Variants in HORMAD1 observed in about 807,000 individuals in gnomAD.
HORMAD1 encodes HORMA domain-containing protein 1.
A neutral mutation model predicts 58.2 loss-of-function variants in HORMAD1; 33 were observed. That is an observed-to-expected ratio of 0.57 (90% CI 0.43 to 0.76). The LOEUF is 0.76. HORMAD1 is among the 30% of genes least tolerant of loss of function. The probability of loss-of-function intolerance (pLI) is 0.00; values close to 1 mark genes in which losing one functional copy is unlikely to be tolerated. For synonymous variants in HORMAD1, 137 were observed against 144.6 expected (o/e 0.95, Z 0.38); for missense variants, 363 against 462.0 (o/e 0.79, Z 1.96).
chr1:150,712,803 T>C (rs989719640), intron 5 of HORMAD1, among the ~76,000 whole-genome samples: 4 of 152,294 alleles, frequency 2.6e-5, no homozygotes, highest in Non-Finnish European at 4.4e-5. Flanking sequence ...TGTCTTGGCC[T>C]CCCAAGGTGC....
chr1:150,700,168 G>T lies in HORMAD1; in HGVS notation c.1048C>A (p.Pro350Thr). Residue 350 changes from proline (P) to threonine (T), a missense_variant, in exon 14 of 15, where the codon CCA becomes ACA. Coordinates refer to ENST00000361824, the MANE Select transcript of HORMAD1 (RefSeq NM_032132.5). The part of the protein sequence containing the change: ...FQNKMANGNQ[P>T]VKSSKENRKR... ...CGATTTTCTTTGGAAGATTTTACTGGTTGATTTCCATTTGCCTCCACAAAG... is the reference window on the plus strand; with the variant it reads ...CGATTTTCTTTGGAAGATTTTACTGTTTGATTTCCATTTGCCTCCACAAAG... 1 of 1,577,556 alleles carries T rather than the reference G, an allele frequency of 6.3e-7. No individual in the cohort carries two copies. The highest frequency in any genetic ancestry group is 8.7e-7 in the Non-Finnish European group (1 of 1,147,644).
chr1:150,706,392 GT>G (rs1651691727), intron 10 of HORMAD1, among the ~76,000 whole-genome samples, 160 bp downstream of exon 10: 1 of 152,110 alleles, frequency 6.6e-6, no homozygotes, highest in South Asian at 2.1e-4. Context: ...TAAGTAAAAA[GT>G]TTTAAAACCA....
chr1:150,711,571 C>T lies in HORMAD1; in HGVS notation c.301G>A (p.Val101Ile), dbSNP rs139430177. ...TGAGGATCTTCTGGGTTTGTGTATA[C>T]CTATTTAAAAACAATTTACAATTGA... ...KKYLRMVVLAVYTNPEDPQTI... is the reference protein window; with the variant it reads ...KKYLRMVVLAIYTNPEDPQTI... Residue 101 changes from valine (V) to isoleucine (I), a missense_variant and splice_region_variant, in exon 7 of 15, where the codon GTA (valine) becomes ATA (isoleucine). Around this residue, in one of 3 missense-constraint regions of HORMAD1, gnomAD observed 128 missense variants for 171.8 expected, o/e 0.74. Coordinates refer to ENST00000361824, the MANE Select transcript of HORMAD1 (RefSeq NM_032132.5). 2 of 1,599,962 alleles carry T rather than the reference C, an allele frequency of 1.3e-6. No individual in the cohort carries two copies. Among genetic ancestry groups the T allele is most frequent in the Non-Finnish European group, 1.7e-6 (2 of 1,167,952 alleles).
rs587650748 is a variant in HORMAD1, at chr1:150,698,969, T to C, written c.1105-235A>G. 8.5e-5 allele frequency: 28 copies of C among 330,080 alleles called. 3 individuals carry two copies. The South Asian group carries it at 2.4e-3, about 28-fold the overall frequency. 20.4% of individuals were successfully genotyped at this position (330,080 alleles called of 1,614,324 possible). ...TGTATAATCTTCAGTAGGGCTGCTC[T>C]AGAAGTGAGAAGATAGATTTAACAT... On this transcript the variant is annotated intron_variant, in intron 14 of 14. Transcript: ENST00000361824.
rs751261356 is a variant in HORMAD1 at position 150,717,129 on chromosome 1, T to C, written c.178+9A>G. 14 of 1,497,194 alleles carry C rather than the reference T, an allele frequency of 9.4e-6. No homozygotes were observed. The highest frequency in any genetic ancestry group is 2.3e-5 in the East Asian group (1 of 42,882). The allele number at this position is 1,497,194 out of a possible 1,614,324, so 92.7% of individuals were successfully genotyped here. A position where few individuals can be genotyped will look rare whatever the true frequency, so the allele number is the denominator to read the frequency against. On this transcript the variant is annotated intron_variant, in intron 3 of 14. Coordinates refer to ENST00000361824, the MANE Select transcript of HORMAD1 (RefSeq NM_032132.5). The stretch of plus-strand genomic sequence containing the variant: ...TTAAAAGAAAGCTTTAAAATAAATA[T>C]TGTATTACCATCTAGATATCTTGTT...
chr1:150,709,615 G>A (rs907489128), intron 7 of HORMAD1, among the ~76,000 whole-genome samples: 9 of 151,686 alleles, frequency 5.9e-5, no homozygotes, highest in South Asian at 2.1e-4. Flanking sequence ...AGACCTGACC[G>A]TCCCCCAGCC....
At chr1:150,709,956 GTTGCTGACCTTC>G (rs1651820441) in intron 7 of HORMAD1, among the ~76,000 whole-genome samples, 1 of 152,132 alleles carries the variant, frequency 6.6e-6, no homozygotes, top group African/African-American at 2.4e-5. Flanking sequence ...TCACATGTTT[GTTGCTGACCTTC>G]TCCTTATTAT....
At chr1:150,712,925 A>G (rs762368748) in intron 5 of HORMAD1, among the ~76,000 whole-genome samples, 1 of 152,182 alleles carries the variant, frequency 6.6e-6, no homozygotes, top group African/African-American at 2.4e-5. Context: ...CACCTAAAAT[A>G]AAAGCCACTG....
At chr1:150,705,531 A>T (rs1651666225) in intron 10 of HORMAD1, among the ~76,000 whole-genome samples, 2 of 152,146 alleles carry the variant, frequency 1.3e-5, no homozygotes, top group African/African-American at 4.8e-5. Flanking sequence ...GTCTCAAAAA[A>T]AAAAAAAAGT....
intron 4 of HORMAD1, among the ~76,000 whole-genome samples, 188 bp from the exon 5 acceptor site, chr1:150,714,309 T>C (rs141918778): frequency 1.3e-5 from 2 of 152,204 alleles, no homozygotes; most frequent in South Asian, 2.1e-4. Context: ...AAAATGATGA[T>C]AGAGATGGAA....
At chr1:150,715,931 T>A (rs1034592072) in intron 3 of HORMAD1, among the ~76,000 whole-genome samples, 3 of 151,782 alleles carry the variant, frequency 2.0e-5, no homozygotes, top group African/African-American at 7.3e-5. Context: ...CATTTAGTTA[T>A]CCAAACAAAA....
intron 13 of HORMAD1, among the ~76,000 whole-genome samples, chr1:150,700,692 C>A (rs969292061): frequency 6.6e-6 from 1 of 152,166 alleles, no homozygotes. Context: ...CCAGTTCTGA[C>A]TTTCAAATGA....
chr1:150,711,631 G>C (rs587602164), intron 6 of HORMAD1, 60 bp from the exon 7 acceptor site: 2 of 1,317,136 alleles, frequency 1.5e-6, no homozygotes, highest in South Asian at 1.2e-5. Context: ...AACTAAATTA[G>C]ATGTTTAGAC....
chr1:150,710,534 C>A (rs1465504783), intron 7 of HORMAD1, among the ~76,000 whole-genome samples: 1 of 152,058 alleles, frequency 6.6e-6, no homozygotes, highest in Non-Finnish European at 1.5e-5. Context: ...AGAAAAAATG[C>A]ACAACTATAT....
intron 7 of HORMAD1, among the ~76,000 whole-genome samples, chr1:150,710,748 A>G (rs898745620): frequency 1.3e-5 from 2 of 152,168 alleles, no homozygotes; most frequent in Admixed American, 1.3e-4. Context: ...TTTATATTTC[A>G]TTGCTTACAT....
chr1:150,715,247 T>G (rs1443875522), intron 3 of HORMAD1, among the ~76,000 whole-genome samples: 4 of 152,138 alleles, frequency 2.6e-5, no homozygotes, highest in Non-Finnish European at 5.9e-5. Context: ...ATAGAATCCA[T>G]GAAATTAGAT....
intron 9 of HORMAD1, 73 bp downstream of exon 9, chr1:150,708,183 G>T: frequency 1.4e-5 from 17 of 1,178,344 alleles, no homozygotes; most frequent in South Asian, 4.1e-5. Flanking sequence ...AAAATATTTG[G>T]AATGGAAACC....
rs754688963 is a variant in HORMAD1 at position 150,704,274 on chromosome 1, T to C, written c.871+3A>G. 1.3e-6 allele frequency: 2 copies of C among 1,592,870 alleles called. No individual in the cohort carries two copies. Among genetic ancestry groups the C allele is most frequent in the South Asian group, 2.3e-5 (2 of 86,766 alleles). ...TTAATGTACATTTTCATTAACTTCTTACCTTCAAGTTCAGAAGATGCAGGG... is the reference window on the plus strand; with the variant it reads ...TTAATGTACATTTTCATTAACTTCTCACCTTCAAGTTCAGAAGATGCAGGG... On this transcript the variant is annotated splice_donor_region_variant and intron_variant, in intron 11 of 14. Coordinates refer to ENST00000361824, the MANE Select transcript of HORMAD1 (RefSeq NM_032132.5).
chr1:150,719,576 T>A, intron 1 of HORMAD1, 38 bp from the exon 2 acceptor site: 1 of 1,026,988 alleles, frequency 9.7e-7, no homozygotes, highest in Non-Finnish European at 1.4e-6. Flanking sequence ...TAGAGCTCAT[T>A]TTTTTCCTCT....
Sources: allele counts gnomAD v4.1 joint callset (sites outside exome capture counted in the v4.1 genomes callset), GRCh38; gene constraint gnomAD v4.1.1; regional missense constraint gnomAD v4.1.1; transcripts MANE v1.5; gene names NCBI Gene and HGNC (gene_info 2026-07-23, HGNC 2026-07-21).